The following ARHGAP35 variants were observed in gnomAD, a reference collection of about 807,000 sequenced individuals.
The protein encoded by ARHGAP35 is Rho GTPase activating protein 35, also known as rho GTPase-activating protein 35.
ARHGAP35 carries 15 observed loss-of-function variants against 111.1 expected under a neutral mutation model. The ratio of observed to expected loss-of-function variants is 0.13; its 90% CI spans 0.09 to 0.21. The LOEUF (loss-of-function observed/expected upper bound fraction) is 0.21. Ranked by LOEUF, ARHGAP35 falls within the 10% of genes least tolerant of loss-of-function variation. The probability of loss-of-function intolerance (pLI) is 1.00; values close to 1 mark genes in which losing one functional copy is unlikely to be tolerated. For missense variants in ARHGAP35, 1,262 were observed against 1,873.0 expected (o/e 0.67, Z 6.02); for synonymous variants, 643 against 710.3 (o/e 0.91, Z 1.51).
intron 3 of ARHGAP35, among the ~76,000 whole-genome samples, chr19:46,954,349 C>G (rs372582541): frequency 2.3e-4 from 35 of 152,360 alleles, no homozygotes; most frequent in African/African-American, 8.2e-4. Context: ...CCCATGGGAC[C>G]TGGCTCTCCA....
At chr19:46,888,395 C>T (rs542312788) in intron 1 of ARHGAP35, among the ~76,000 whole-genome samples, 1 of 144,682 alleles carries the variant, frequency 6.9e-6, no homozygotes, top group African/African-American at 2.6e-5. Flanking sequence ...CTCCTGCTCA[C>T]ACCTTCTTAG....
Position 46,921,756 on chromosome 19 carries a change from C to A in ARHGAP35, c.3081C>A (p.Ser1027Arg). The part of the protein sequence containing the change: ...EGNDGLSFIM[S>R]NFESKLNNKV... ...ATGATGGGCTGTCTTTCATTATGAG[C>A]AATTTTGAGAGTAAACTGAACAACA... is the stretch of plus-strand genomic sequence containing the variant. Residue 1027 changes from serine (S) to arginine (R), a missense_variant, in exon 2 of 7, where the codon AGC becomes AGA. Around this residue, in one of 8 missense-constraint regions of ARHGAP35, gnomAD observed 579 missense variants for 716.9 expected, o/e 0.81. Transcript: ENST00000672722. The surrounding 1 kb of genome is among the most constrained non-coding windows in gnomAD (Gnocchi z 4.3). The A allele has an allele frequency of 6.2e-7, 1 of 1,613,972 alleles. No homozygotes were observed. The highest frequency in any genetic ancestry group is 8.5e-7 in the Non-Finnish European group (1 of 1,179,894).
intron 1 of ARHGAP35, among the ~76,000 whole-genome samples, chr19:46,889,421 T>C (rs182622928): frequency 4.1e-4 from 62 of 152,208 alleles, no homozygotes; most frequent in East Asian, 3.1e-3. Flanking sequence ...ATCGCACCAC[T>C]GCACTCCAGC....
chr19:46,969,945 G>A (rs1001102624), intron 3 of ARHGAP35, among the ~76,000 whole-genome samples: 3 of 152,178 alleles, frequency 2.0e-5, no homozygotes, highest in Admixed American at 1.3e-4. Context: ...CTGCCACCAC[G>A]CTGCCTTTGC....
chr19:46,953,100 T>A (rs1437040013), intron 3 of ARHGAP35, among the ~76,000 whole-genome samples: 1 of 152,240 alleles, frequency 6.6e-6, no homozygotes, highest in Non-Finnish European at 1.5e-5. Context: ...GAGCATCTTA[T>A]ACTATGTGCC....
intron 1 of ARHGAP35, among the ~76,000 whole-genome samples, chr19:46,913,392 A>G (rs1200672776): frequency 6.6e-6 from 1 of 151,870 alleles, no homozygotes; most frequent in African/African-American, 2.4e-5. Flanking sequence ...TCTAGGTCCT[A>G]CAAAAATGTG....
intron 1 of ARHGAP35, among the ~76,000 whole-genome samples, chr19:46,888,311 TATATATAA>T (rs1236851302): frequency 1.2e-4 from 7 of 57,806 alleles, no homozygotes; most frequent in African/African-American, 2.2e-4. Flanking sequence ...TATATATATA[TATATATAA>T]AATATTGATT....
chr19:46,896,635 G>T (rs986893165), intron 1 of ARHGAP35, among the ~76,000 whole-genome samples: 1 of 152,138 alleles, frequency 6.6e-6, no homozygotes, highest in Non-Finnish European at 1.5e-5. Flanking sequence ...CAGTATTGGG[G>T]TTAAGCCACG....
At chr19:46,909,378 A>G (rs949293027) in intron 1 of ARHGAP35, among the ~76,000 whole-genome samples, 4 of 152,212 alleles carry the variant, frequency 2.6e-5, no homozygotes, top group Admixed American at 2.0e-4. Flanking sequence ...TTGAAAGTCT[A>G]CTGATCCCTT....
Position 46,897,602 on chromosome 19 carries a change from A to G in ARHGAP35, c.-188-20886A>G, listed in dbSNP as rs113302591. 6.5e-3 allele frequency among the ~76,000 whole-genome samples: 977 copies of G among 150,868 alleles called. 5 individuals are homozygous for G. The highest frequency in any genetic ancestry group is 0.021 in the South Asian group (97 of 4,664). On this transcript the variant is annotated intron_variant, in intron 1 of 6. Coordinates refer to ENST00000672722, the MANE Select transcript of ARHGAP35 (RefSeq NM_004491.5). ...TTCAAGAGCCAGGGGATTTGAGTGTATTCTGGATTAACTTGGTTCTTCATC... is the reference window on the plus strand; with the variant it reads ...TTCAAGAGCCAGGGGATTTGAGTGTGTTCTGGATTAACTTGGTTCTTCATC...
In ARHGAP35 at chr19:46,989,800, G is replaced by T; in HGVS notation, c.4036+125G>T. On this transcript the variant is annotated intron_variant, in intron 5 of 6. Coordinates refer to ENST00000672722, the MANE Select transcript of ARHGAP35 (RefSeq NM_004491.5). This position sits in a 1 kb window ranked among gnomAD's most constrained non-coding sequence, Gnocchi z 5.3. ...TGAGGTTTGAAGGACAGAGGGCAAG[G>T]GAATTAACCAGATGACAGCAATGGG... 4.7e-6 allele frequency: 7 copies of T among 1,474,420 alleles called. No individual in the cohort carries two copies. Among genetic ancestry groups the T allele is most frequent in the Non-Finnish European group, 6.4e-6 (7 of 1,085,638 alleles). 91.3% of individuals were successfully genotyped at this position (1,474,420 alleles called of 1,614,324 possible).
Position 46,956,564 on chromosome 19 carries a change from C to T in ARHGAP35, c.3826+19156C>T, listed in dbSNP as rs1277838400. On this transcript the variant is annotated intron_variant, in intron 3 of 6. Transcript: ENST00000672722. ...CCTCCCAAAGTGCTGGGATTACAGG[C>T]GTGAGCAACCACACCCAACCGCATC... Among the ~76,000 whole-genome samples the T allele has an allele frequency of 4.6e-5, 7 of 152,108 alleles. No homozygotes were observed. The South Asian group carries it at 1.0e-3, about 23-fold the overall frequency.
intron 1 of ARHGAP35, among the ~76,000 whole-genome samples, chr19:46,879,608 A>G (rs1389889271): frequency 3.8e-5 from 3 of 79,834 alleles, no homozygotes; most frequent in Admixed American, 1.2e-4. Context: ...ATAAATAAAT[A>G]AATAAATAAA....
intron 1 of ARHGAP35, among the ~76,000 whole-genome samples, chr19:46,871,777 G>A (rs1445231093): frequency 1.3e-5 from 2 of 151,766 alleles, no homozygotes; most frequent in East Asian, 2.0e-4. Context: ...TCGGGAGTTC[G>A]AGACCAGCTT....
chr19:46,968,920 C>T (rs998360942), intron 3 of ARHGAP35, among the ~76,000 whole-genome samples: 2 of 152,102 alleles, frequency 1.3e-5, no homozygotes, highest in Non-Finnish European at 2.9e-5. Context: ...AACCCTGTCT[C>T]TACTAAAAAT....
chr19:46,869,477 TGTG>T (rs1057499448), intron 1 of ARHGAP35, among the ~76,000 whole-genome samples: 3 of 40,236 alleles, frequency 7.5e-5, no homozygotes, highest in East Asian at 7.5e-4. Flanking sequence ...GAAAAAAAAT[TGTG>T]TGTGTGTGTG....
rs201625064 is a variant in ARHGAP35, at chr19:46,944,277, C to T, written c.3826+6869C>T. 9.6e-5 allele frequency among the ~76,000 whole-genome samples: 14 copies of T among 145,168 alleles called. No individual in the cohort carries two copies. In the East Asian group the frequency reaches 2.2e-3, roughly 23 times the overall value. On this transcript the variant is annotated intron_variant, in intron 3 of 6. Coordinates refer to ENST00000672722, the MANE Select transcript of ARHGAP35 (RefSeq NM_004491.5). Reference sequence around the variant, plus strand: ...TCATGCCACTGCACTCCAGCATGGGCGACAGAGTAAGACCCTGTCTCAAAA... The same window carrying T: ...TCATGCCACTGCACTCCAGCATGGGTGACAGAGTAAGACCCTGTCTCAAAA...
intron 2 of ARHGAP35, among the ~76,000 whole-genome samples, chr19:46,930,897 G>A (rs1426462139): frequency 6.6e-6 from 1 of 151,904 alleles, no homozygotes; most frequent in Non-Finnish European, 1.5e-5. Context: ...CTGCCAGTTT[G>A]TTATGTGGCC....
At chr19:46,968,539 A>G (rs902231360) in intron 3 of ARHGAP35, among the ~76,000 whole-genome samples, 5 of 152,244 alleles carry the variant, frequency 3.3e-5, no homozygotes, top group African/African-American at 1.2e-4. Flanking sequence ...TATGGAGGCC[A>G]CATTATTCAT....
Sources: allele counts gnomAD v4.1 joint callset (sites outside exome capture counted in the v4.1 genomes callset), GRCh38; gene constraint gnomAD v4.1.1; regional missense constraint gnomAD v4.1.1; non-coding constraint Gnocchi (gnomAD v3.1); transcripts MANE v1.5; gene names NCBI Gene and HGNC (gene_info 2026-07-23, HGNC 2026-07-21).